Variants in TRIM33 observed in about 807,000 individuals in gnomAD.
TRIM33 encodes the protein E3 ubiquitin-protein ligase TRIM33.
A neutral mutation model predicts 125.4 loss-of-function variants in TRIM33; 20 were observed. The ratio of observed to expected loss-of-function variants is 0.16; its 90% CI spans 0.11 to 0.23. The LOEUF (loss-of-function observed/expected upper bound fraction) is 0.23, where lower values mean the gene tolerates loss of function less well. Among genes scored for constraint, TRIM33 ranks in the 10% least tolerant of loss-of-function variants. The probability of loss-of-function intolerance (pLI) is 1.00; values close to 1 mark genes in which losing one functional copy is unlikely to be tolerated. For synonymous variants in TRIM33, 564 were observed against 513.9 expected, an observed-to-expected ratio of 1.10 and a Z score of -1.32; for missense variants, 920 against 1,411.4, an observed-to-expected ratio of 0.65 and a Z score of 5.58.
chr1:114,483,013 G>A (rs1010834902), intron 1 of TRIM33, among the ~76,000 whole-genome samples: 1 of 152,126 alleles, frequency 6.6e-6, no homozygotes, highest in Non-Finnish European at 1.5e-5. Context: ...AACAAAATGG[G>A]TCAAATTCTT....
At chr1:114,451,975 T>C (rs189801080) in intron 4 of TRIM33, among the ~76,000 whole-genome samples, 21 of 152,306 alleles carry the variant, frequency 1.4e-4, no homozygotes, top group Non-Finnish European at 2.6e-4. Context: ...ATCTTTTTGA[T>C]TAACTGAGGT....
chr1:114,433,592 T>A (rs1377143289), intron 5 of TRIM33, 25 bp downstream of exon 5: 8 of 1,372,188 alleles, frequency 5.8e-6, no homozygotes, highest in African/African-American at 2.9e-5. Context: ...TTCTTAAAAT[T>A]ATGGTTTTAA....
In TRIM33 at chr1:114,396,118, C is replaced by G. The variant is rs1651533219; in HGVS notation, c.*1530G>C. The G allele has an allele frequency of 5.0e-6, 1 of 200,798 alleles. No individual in the cohort carries two copies. Among genetic ancestry groups the G allele is most frequent in the Non-Finnish European group, 1.0e-5 (1 of 97,406 alleles). 12.4% of individuals were successfully genotyped at this position (200,798 alleles called of 1,614,324 possible). On this transcript the variant is annotated 3_prime_UTR_variant, in exon 20 of 20. Transcript: ENST00000358465. ...TAACAGCAAATTCTTCTATTTTGGT[C>G]TCTGAATATTCTAATGTGTCCATAC...
chr1:114,430,896 C>G lies in TRIM33; in HGVS notation c.1057G>C (p.Glu353Gln), dbSNP rs1346275659. 8 of 1,594,438 alleles carry G rather than the reference C, an allele frequency of 5.0e-6. No homozygotes were observed. The highest frequency in any genetic ancestry group is 6.0e-6 in the Non-Finnish European group (7 of 1,162,522). Reference protein sequence around the residue: ...QVQNRIKEVNETNKRVEQEIK... With the variant: ...QVQNRIKEVNQTNKRVEQEIK... The stretch of plus-strand genomic sequence containing the variant: ...TCCTGTTCTACTCGTTTGTTAGTCT[C>G]ATTTACTTCTTTTATCCTGAATAAG... The change falls in exon 6 of 20, where the codon GAG becomes CAG. Residue 353 changes from glutamate (E) to glutamine (Q), a missense_variant. By Grantham distance (29) the Glu-to-Gln change is conservative (BLOSUM62 2). Around this residue, in one of 8 missense-constraint regions of TRIM33, gnomAD observed 50 missense variants for 110.8 expected, o/e 0.45. Transcript: ENST00000358465.
intron 4 of TRIM33, among the ~76,000 whole-genome samples, chr1:114,435,164 C>T (rs1167105578): frequency 6.6e-6 from 1 of 152,114 alleles, no homozygotes; most frequent in Admixed American, 6.5e-5. Context: ...AATCATCAAA[C>T]AGAAATATAA....
intron 15 of TRIM33, chr1:114,404,369 C>T (rs1652102849): frequency 6.6e-6 from 1 of 151,866 alleles, no homozygotes; most frequent in African/African-American, 2.4e-5. Context: ...TGGTCTCAAA[C>T]TCCTGACCTC....
intron 1 of TRIM33, among the ~76,000 whole-genome samples, chr1:114,483,658 C>A (rs185974574): frequency 4.6e-5 from 7 of 152,160 alleles, no homozygotes; most frequent in Admixed American, 4.6e-4. Flanking sequence ...GGCAATCCAC[C>A]CGCCTCAGCC....
chr1:114,424,854 G>C (rs1647452928), intron 9 of TRIM33, 99 bp from the exon 10 acceptor site: 1 of 881,434 alleles, frequency 1.1e-6, no homozygotes, highest in Middle Eastern at 3.7e-4. Context: ...AAGATAAAAG[G>C]GTATAAAGTA....
At chr1:114,468,497 T>C in intron 1 of TRIM33, 1 of 381,752 alleles carries the variant, frequency 2.6e-6, no homozygotes, top group South Asian at 2.2e-5. Flanking sequence ...AAGAGAACAG[T>C]AGGGAAAAAG....
intron 1 of TRIM33, chr1:114,468,847 A>C: frequency 3.7e-6 from 1 of 269,716 alleles, no homozygotes; most frequent in Non-Finnish European, 7.4e-6. Context: ...GAGCTACTGA[A>C]GCGAGTGTGC....
In TRIM33 at chr1:114,393,041, A is replaced by G. The variant is rs1651362550; in HGVS notation, c.*4607T>C. ...AAAAATTAAATATGATTATTTAGAGAATACGATACCACAGAAACAGCACTT... is the reference window on the plus strand; with the variant it reads ...AAAAATTAAATATGATTATTTAGAGGATACGATACCACAGAAACAGCACTT... On this transcript the variant is annotated 3_prime_UTR_variant, in exon 20 of 20. Coordinates refer to ENST00000358465, the MANE Select transcript of TRIM33 (RefSeq NM_015906.4). 1 of 200,192 alleles carries G rather than the reference A, an allele frequency of 5.0e-6. No homozygotes were observed. The highest frequency in any genetic ancestry group is 1.9e-4 in the South Asian group (1 of 5,254). The allele number at this position is 200,192 out of a possible 1,614,324, so 12.4% of individuals were successfully genotyped here.
intron 4 of TRIM33, among the ~76,000 whole-genome samples, chr1:114,453,461 G>A (rs1158566813): frequency 6.6e-6 from 1 of 152,182 alleles, no homozygotes; most frequent in Non-Finnish European, 1.5e-5. Flanking sequence ...TACAAAGTTG[G>A]AGGGTTAGGT....
intron 1 of TRIM33, among the ~76,000 whole-genome samples, chr1:114,473,749 GAAC>G (rs950630342): frequency 4.6e-5 from 7 of 151,950 alleles, no homozygotes; most frequent in Admixed American, 6.6e-5. Flanking sequence ...AGGAACCAAT[GAAC>G]AACAATAAAT....
At chr1:114,405,207 T>C (rs2101095014) in intron 15 of TRIM33, 2 of 503,812 alleles carry the variant, frequency 4.0e-6, no homozygotes, top group African/African-American at 2.0e-5. Context: ...AGATGAAATC[T>C]ACTCTTTAAC....
At chr1:114,508,123 A>T (rs540321109) in intron 1 of TRIM33, among the ~76,000 whole-genome samples, 12 of 152,118 alleles carry the variant, frequency 7.9e-5, no homozygotes, top group South Asian at 6.2e-4. Flanking sequence ...TCAAAAAAAA[A>T]TTTTTTTTAA....
chr1:114,416,504 T>C (rs942563870), intron 11 of TRIM33, among the ~76,000 whole-genome samples: 2 of 152,238 alleles, frequency 1.3e-5, no homozygotes, highest in Admixed American at 6.5e-5. Context: ...TCCTCATCTA[T>C]TCTATTTTGT....
chr1:114,424,445 A>G (rs1647414688), intron 10 of TRIM33, 146 bp downstream of exon 10: 2 of 590,426 alleles, frequency 3.4e-6, no homozygotes, highest in Non-Finnish European at 2.7e-6. Flanking sequence ...TCTCATGTGT[A>G]TGTTTATTTT....
intron 11 of TRIM33, 81 bp downstream of exon 11, chr1:114,421,351 TAAAA>T: frequency 1.8e-6 from 2 of 1,087,528 alleles, no homozygotes; most frequent in Non-Finnish European, 2.6e-6. Context: ...GATCCTGAAT[TAAAA>T]AAAAAAAACT....
At chr1:114,501,694 C>A (rs1485570955) in intron 1 of TRIM33, among the ~76,000 whole-genome samples, 1 of 152,150 alleles carries the variant, frequency 6.6e-6, no homozygotes, top group Non-Finnish European at 1.5e-5. Flanking sequence ...CAACCTACAT[C>A]ATCAACAAAG....
Sources: gnomAD v4.1 joint callset for allele counts (sites outside exome capture counted in the v4.1 genomes callset) on GRCh38, gnomAD v4.1.1 for gene constraint, gnomAD v4.1.1 regional missense constraint, MANE v1.5 for transcripts, NCBI Gene and HGNC (gene_info 2026-07-23, HGNC 2026-07-21) for gene names.